Variants in HDAC9 observed in about 807,000 individuals in gnomAD.
HDAC9 encodes MEF-2 interacting transcription repressor (MITR) protein.
HDAC9 carries 41 observed loss-of-function variants against 139.4 expected under a neutral mutation model. That is an observed-to-expected ratio of 0.29 (90% CI 0.23 to 0.38). HDAC9 has a LOEUF of 0.38. Among genes scored for constraint, HDAC9 ranks in the 10% least tolerant of loss-of-function variants. The pLI, the probability that HDAC9 is intolerant of heterozygous loss-of-function variation, is 1.00. For missense variants in HDAC9, 1,147 were observed against 1,297.0 expected, an observed-to-expected ratio of 0.88 and a Z score of 1.78; for synonymous variants, 517 against 476.2, an observed-to-expected ratio of 1.09 and a Z score of -1.12.
chr7:18,684,253 CA>C (rs61100280), intron 12 of HDAC9, among the ~76,000 whole-genome samples: 18,582 of 142,272 alleles, frequency 0.13, 1,420 homozygotes, highest in African/African-American at 0.22. Context: ...GACCCTATCT[CA>C]AAAAAAAAAA....
At chr7:18,582,529 A>G (rs1010088284) in intron 2 of HDAC9, among the ~76,000 whole-genome samples, 2 of 151,870 alleles carry the variant, frequency 1.3e-5, no homozygotes, top group Non-Finnish European at 2.9e-5. Flanking sequence ...TATTTTTTAA[A>G]TGGTTATCAT....
intron 12 of HDAC9, among the ~76,000 whole-genome samples, chr7:18,718,626 A>G (rs993111639): frequency 3.9e-5 from 6 of 152,150 alleles, no homozygotes; most frequent in Non-Finnish European, 5.9e-5. Context: ...ACGGCTAGAT[A>G]ATATTCTATT....
At chr7:18,514,043 T>C (rs143991189) in intron 2 of HDAC9, among the ~76,000 whole-genome samples, 5 of 152,346 alleles carry the variant, frequency 3.3e-5, no homozygotes, top group East Asian at 3.9e-4. Context: ...TGGTCTGTTA[T>C]AGACCTGTTT....
At chr7:18,955,348 G>C (rs1478702796) in intron 24 of HDAC9, among the ~76,000 whole-genome samples, 1 of 152,130 alleles carries the variant, frequency 6.6e-6, no homozygotes, top group Middle Eastern at 3.4e-3. Context: ...TGTCATTCTA[G>C]ATTTCAAAGC....
At chr7:18,308,735 C>A (rs541537838) in intron 1 of HDAC9, among the ~76,000 whole-genome samples, 5 of 152,166 alleles carry the variant, frequency 3.3e-5, no homozygotes, top group African/African-American at 1.2e-4. Flanking sequence ...GTATATATAT[C>A]TGTAGGATAT....
At chr7:18,487,498 A>G (rs1057228602) in intron 1 of HDAC9, among the ~76,000 whole-genome samples, 3 of 152,076 alleles carry the variant, frequency 2.0e-5, no homozygotes, top group African/African-American at 7.2e-5. Context: ...TGTTCTTGGC[A>G]CTGAAATAAG....
intron 2 of HDAC9, among the ~76,000 whole-genome samples, chr7:18,517,219 G>A (rs1216624754): frequency 6.6e-6 from 1 of 152,196 alleles, no homozygotes. Context: ...TACAGGAATT[G>A]ATATCTTTTA....
At chr7:18,110,964 A>T (rs568843057) in intron 1 of HDAC9, among the ~76,000 whole-genome samples, 15 of 152,278 alleles carry the variant, frequency 9.9e-5, no homozygotes, top group African/African-American at 3.6e-4. Context: ...GGAGAGAAAC[A>T]CATTTTAAGG....
chr7:18,406,605 G>A (rs905155494), intron 1 of HDAC9, among the ~76,000 whole-genome samples: 3 of 152,038 alleles, frequency 2.0e-5, no homozygotes, highest in Admixed American at 2.0e-4. Context: ...GTGTTAGGAT[G>A]GTCTCAATCT....
intron 16 of HDAC9, among the ~76,000 whole-genome samples, chr7:18,768,454 C>G (rs1790012264): frequency 6.6e-6 from 1 of 152,108 alleles, no homozygotes; most frequent in African/African-American, 2.4e-5. Flanking sequence ...TGCTTTTTGA[C>G]CACCAGCATG....
chr7:18,268,475 A>G (rs1474219353), intron 2 of HDAC9, among the ~76,000 whole-genome samples: 1 of 146,150 alleles, frequency 6.8e-6, no homozygotes, highest in African/African-American at 2.4e-5. Context: ...AGTGCCAGAG[A>G]GGTTGCAAGA....
intron 2 of HDAC9, among the ~76,000 whole-genome samples, chr7:18,190,249 A>G (rs1045716621): frequency 3.9e-5 from 6 of 152,132 alleles, no homozygotes; most frequent in Admixed American, 3.3e-4. Flanking sequence ...CCGGCCATAA[A>G]TAACTTGTTT....
At chr7:18,453,537 T>G (rs1017650358) in intron 1 of HDAC9, among the ~76,000 whole-genome samples, 2 of 152,228 alleles carry the variant, frequency 1.3e-5, no homozygotes, top group Non-Finnish European at 2.9e-5. Flanking sequence ...GAATTAGTAG[T>G]GCTTATCTGG....
chr7:18,443,809 T>C (rs1310063355), intron 1 of HDAC9, among the ~76,000 whole-genome samples: 1 of 151,796 alleles, frequency 6.6e-6, no homozygotes. Flanking sequence ...TGTGTGTATA[T>C]ATATACATAT....
At chr7:18,716,485 C>A (rs1784709122) in intron 12 of HDAC9, among the ~76,000 whole-genome samples, 1 of 151,996 alleles carries the variant, frequency 6.6e-6, no homozygotes, top group Admixed American at 6.6e-5. Flanking sequence ...TTAAAGTGGT[C>A]ATTTTCCAAG....
intron 16 of HDAC9, among the ~76,000 whole-genome samples, chr7:18,775,684 G>GT (rs35824820): frequency 2.2e-4 from 32 of 146,568 alleles, no homozygotes; most frequent in Middle Eastern, 3.5e-3. Flanking sequence ...CTTATGTTGT[G>GT]TTTTTTTTTT....
intron 21 of HDAC9, among the ~76,000 whole-genome samples, chr7:18,863,510 A>G (rs1164512550): frequency 6.6e-6 from 1 of 152,186 alleles, no homozygotes; most frequent in East Asian, 1.9e-4. Context: ...GCCCAAGGCA[A>G]TTCTTCGTCT....
chr7:18,895,174 T>C (rs899193954), intron 22 of HDAC9, among the ~76,000 whole-genome samples: 6 of 152,152 alleles, frequency 3.9e-5, no homozygotes, highest in African/African-American at 1.4e-4. Context: ...CCAGTCAGAA[T>C]AACTATGTCA....
intron 25 of HDAC9, among the ~76,000 whole-genome samples, chr7:18,989,642 A>G (rs1392841681): frequency 2.0e-5 from 3 of 151,168 alleles, no homozygotes; most frequent in Non-Finnish European, 4.4e-5. Flanking sequence ...AATATCCTGC[A>G]GAGTGTTTTC....
Sources: gnomAD v4.1 joint callset for allele counts (sites outside exome capture counted in the v4.1 genomes callset) on GRCh38, gnomAD v4.1.1 for gene constraint, MANE v1.5 for transcripts, NCBI Gene and HGNC (gene_info 2026-07-23, HGNC 2026-07-21) for gene names.